Variants in DPP10 observed in about 807,000 individuals in gnomAD.
DPP10 encodes dipeptidyl peptidase like 10.
A neutral mutation model predicts 120.9 loss-of-function variants in DPP10; 33 were observed. That is an observed-to-expected ratio of 0.27 (90% CI 0.21 to 0.37). The LOEUF (loss-of-function observed/expected upper bound fraction) is 0.37, where lower values mean the gene tolerates loss of function less well. DPP10 is among the 10% of genes least tolerant of loss of function. The probability of loss-of-function intolerance (pLI) is 1.00; values close to 1 mark genes in which losing one functional copy is unlikely to be tolerated. For synonymous variants in DPP10, 337 were observed against 326.1 expected (o/e 1.03, Z -0.36); for missense variants, 816 against 942.8 (o/e 0.87, Z 1.76).
intron 19 of DPP10, among the ~76,000 whole-genome samples, chr2:115,800,919 C>G (rs1469976684): frequency 2.7e-5 from 4 of 148,748 alleles, no homozygotes; most frequent in South Asian, 2.2e-4. Flanking sequence ...GCAATGCGGG[C>G]TCTTTTTTGG....
chr2:114,555,871 C>A (rs1688250180), intron 1 of DPP10, among the ~76,000 whole-genome samples: 1 of 151,970 alleles, frequency 6.6e-6, no homozygotes, highest in Admixed American at 6.6e-5. Flanking sequence ...AAGCACGTCC[C>A]AAGAAGAACA....
chr2:115,747,174 A>C (rs1678085988), intron 10 of DPP10, among the ~76,000 whole-genome samples: 1 of 152,184 alleles, frequency 6.6e-6, no homozygotes, highest in South Asian at 2.1e-4. Context: ...GAAAAGATAA[A>C]TCCCAGTGAG....
At chr2:114,901,995 C>A (rs1693612251) in intron 1 of DPP10, among the ~76,000 whole-genome samples, 2 of 152,124 alleles carry the variant, frequency 1.3e-5, no homozygotes, top group Admixed American at 1.3e-4. Flanking sequence ...TTTCTGAAGA[C>A]CCAGAGAATG....
At chr2:114,781,145 A>G (rs1046395873) in intron 1 of DPP10, among the ~76,000 whole-genome samples, 3 of 152,150 alleles carry the variant, frequency 2.0e-5, no homozygotes, top group African/African-American at 7.2e-5. Context: ...ATACACAATA[A>G]CATTTTGTAG....
chr2:115,804,558 G>C (rs1685680941), intron 19 of DPP10, among the ~76,000 whole-genome samples: 1 of 152,102 alleles, frequency 6.6e-6, no homozygotes, highest in South Asian at 2.1e-4. Context: ...CCATCTTTGT[G>C]GTTTTATCTA....
At chr2:115,669,327 G>A (rs192205640) in intron 5 of DPP10, among the ~76,000 whole-genome samples, 315 of 152,198 alleles carry the variant, frequency 2.1e-3, no homozygotes, top group African/African-American at 7.5e-3. Context: ...CACTATTGAA[G>A]AGCATGAACT....
chr2:115,536,167 A>G (rs966508315), intron 5 of DPP10, among the ~76,000 whole-genome samples: 10 of 152,054 alleles, frequency 6.6e-5, no homozygotes, highest in Admixed American at 2.6e-4. Context: ...CGTTTTTTAG[A>G]GAAAACCACT....
rs538637693 is a variant in DPP10, at chr2:115,391,464, T to C, written c.271+47552T>C. On this transcript the variant is annotated intron_variant, in intron 3 of 25. Transcript: ENST00000410059. ...GTAGAAGGAAAGGATTTTGAAGTAG[T>C]ATGTGAAATGGCTCACAGCACATGA... is the stretch of plus-strand genomic sequence containing the variant. Among the ~76,000 whole-genome samples, 49 of 152,258 alleles carry C rather than the reference T, an allele frequency of 3.2e-4. 1 individual carries two copies. The South Asian group carries it at 9.3e-3, about 29-fold the overall frequency.
chr2:115,012,980 A>T (rs1702371694), intron 1 of DPP10, among the ~76,000 whole-genome samples: 1 of 152,300 alleles, frequency 6.6e-6, no homozygotes, highest in African/African-American at 2.4e-5. Flanking sequence ...TAATTGGGTC[A>T]TTTAGCCTGT....
chr2:115,436,583 TAATC>T (rs1008817047), intron 3 of DPP10, among the ~76,000 whole-genome samples: 8 of 151,880 alleles, frequency 5.3e-5, no homozygotes, highest in African/African-American at 1.7e-4. Flanking sequence ...ATATTAGACA[TAATC>T]AATCAACCAC....
intron 1 of DPP10, among the ~76,000 whole-genome samples, chr2:114,754,293 A>ACAATCAGTT (rs1479113061): frequency 2.6e-5 from 4 of 152,170 alleles, no homozygotes; most frequent in Admixed American, 2.6e-4. Flanking sequence ...TGTTCTGTTC[A>ACAATCAGTT]CAATCAGTTC....
Position 114,513,674 on chromosome 2 carries a change from G to A in DPP10, c.60+70836G>A, listed in dbSNP as rs1261465709. 2.0e-5 allele frequency among the ~76,000 whole-genome samples: 3 copies of A among 152,158 alleles called. No individual in the cohort carries two copies. The East Asian group carries it at 5.8e-4, about 29-fold the overall frequency. On this transcript the variant is annotated intron_variant, in intron 1 of 25. Coordinates refer to ENST00000410059, the MANE Select transcript of DPP10 (RefSeq NM_020868.6). Reference sequence around the variant, plus strand: ...AGAAACAGACAAAATAAAAGCTTTGGAATTGCTATAGAAAGGATTAGATTA... The same window carrying A: ...AGAAACAGACAAAATAAAAGCTTTGAAATTGCTATAGAAAGGATTAGATTA...
chr2:114,610,886 C>A (rs908718224), intron 1 of DPP10, among the ~76,000 whole-genome samples: 1 of 151,870 alleles, frequency 6.6e-6, no homozygotes, highest in South Asian at 2.1e-4. Context: ...GCATCCTTAT[C>A]CCTCCCCTCA....
chr2:114,840,148 A>G (rs1228179483), intron 1 of DPP10, among the ~76,000 whole-genome samples: 1 of 152,216 alleles, frequency 6.6e-6, no homozygotes, highest in Non-Finnish European at 1.5e-5. Context: ...TTTTAATGAA[A>G]TCCTTTAAAA....
chr2:115,253,221 A>G (rs1032987402), intron 1 of DPP10, among the ~76,000 whole-genome samples: 1 of 152,164 alleles, frequency 6.6e-6, no homozygotes, highest in African/African-American at 2.4e-5. Flanking sequence ...GTGAGAGGAC[A>G]GCACCAAACC....
chr2:115,141,956 TAG>T (rs2050952431), intron 1 of DPP10, among the ~76,000 whole-genome samples: 1 of 152,044 alleles, frequency 6.6e-6, no homozygotes, highest in Non-Finnish European at 1.5e-5. Flanking sequence ...GTATTTTTGG[TAG>T]AGACAGGCTT....
At chr2:115,362,553 G>C (rs890005168) in intron 3 of DPP10, among the ~76,000 whole-genome samples, 7 of 152,284 alleles carry the variant, frequency 4.6e-5, no homozygotes, top group Admixed American at 1.3e-4. Flanking sequence ...GTAACAAACA[G>C]TGAGTTCCCC....
At chr2:114,585,642 C>T (rs768759435) in intron 1 of DPP10, among the ~76,000 whole-genome samples, 6 of 152,160 alleles carry the variant, frequency 3.9e-5, no homozygotes, top group Non-Finnish European at 7.3e-5. Context: ...CTGGCAGACA[C>T]CCAGATCAAG....
At chr2:115,574,364 A>G (rs1017100347) in intron 5 of DPP10, among the ~76,000 whole-genome samples, 7 of 152,290 alleles carry the variant, frequency 4.6e-5, no homozygotes, top group East Asian at 1.9e-4. Flanking sequence ...TTTCTGATTA[A>G]AGGTCTATCC....
Sources: gnomAD v4.1 joint callset for allele counts (sites outside exome capture counted in the v4.1 genomes callset) on GRCh38, gnomAD v4.1.1 for gene constraint, MANE v1.5 for transcripts, NCBI Gene and HGNC (gene_info 2026-07-23, HGNC 2026-07-21) for gene names.